STOM: variants seen among roughly 807,000 people sequenced by gnomAD.
STOM encodes the protein erythrocyte band 7 integral membrane protein.
STOM carries 25 observed loss-of-function variants against 30.6 expected under a neutral mutation model. The observed-to-expected ratio is 0.82, with a 90% CI of 0.60 to 1.14. The LOEUF (loss-of-function observed/expected upper bound fraction) is 1.14, where lower values mean the gene tolerates loss of function less well. Among genes scored for constraint, STOM ranks in the 50% most tolerant of loss-of-function variants. The probability of loss-of-function intolerance (pLI) is 0.00; values close to 1 mark genes in which losing one functional copy is unlikely to be tolerated. For missense variants in STOM, 292 were observed against 365.2 expected, an observed-to-expected ratio of 0.80 and a Z score of 1.63; for synonymous variants, 118 against 130.8, an observed-to-expected ratio of 0.90 and a Z score of 0.67.
chr9:121,346,392 G>A (rs2064290112), intron 6 of STOM, among the ~76,000 whole-genome samples: 1 of 152,182 alleles, frequency 6.6e-6, no homozygotes. Flanking sequence ...GGAAAACAGT[G>A]CTGTGGTTAA....
chr9:121,361,380 CTTTTT>C (rs5900482), intron 1 of STOM, among the ~76,000 whole-genome samples: 2 of 41,078 alleles, frequency 4.9e-5, no homozygotes, highest in East Asian at 1.9e-3. Context: ...CACTTGTGGA[CTTTTT>C]TTTTTTTTTT....
At position 121,353,258 on chromosome 9, in the gene STOM, C is replaced by T; in HGVS notation, c.283G>A (p.Asp95Asn). ...ATATCAAATGAAATAGTTCTCATGT[C>T]CACTTTGATGAAGCTGTCAGTGCAT... is the stretch of plus-strand genomic sequence containing the variant. ...LPCTDSFIKV[D>N]MRTISFDIPP... The change falls in exon 4 of 7, where the codon GAC (aspartate) becomes AAC (asparagine). Residue 95 changes from aspartate to asparagine, a missense_variant. Coordinates refer to ENST00000286713, the MANE Select transcript of STOM (RefSeq NM_004099.6). 15 of 1,611,864 alleles carry T rather than the reference C, an allele frequency of 9.3e-6. No homozygotes were observed. The highest frequency in any genetic ancestry group is 1.3e-5 in the Non-Finnish European group (15 of 1,179,036).
At chr9:121,350,409 T>C (rs1213190726) in intron 4 of STOM, among the ~76,000 whole-genome samples, 1 of 152,264 alleles carries the variant, frequency 6.6e-6, no homozygotes, top group Non-Finnish European at 1.5e-5. Flanking sequence ...TTATTCACAT[T>C]TCTACTTCTC....
At chr9:121,344,140 C>T (rs2064269699) in intron 6 of STOM, among the ~76,000 whole-genome samples, 1 of 152,100 alleles carries the variant, frequency 6.6e-6, no homozygotes, top group Non-Finnish European at 1.5e-5. Flanking sequence ...GAGAAAGGAT[C>T]CAGCTTATAG....
Position 121,367,014 on chromosome 9 carries a change from A to T in STOM, c.61+3113T>A, listed in dbSNP as rs1047749058. Among the ~76,000 whole-genome samples the T allele has an allele frequency of 6.6e-5, 10 of 152,114 alleles. No individual in the cohort carries two copies. In the South Asian group the frequency reaches 2.1e-3, roughly 32 times the overall value. ...AGGTGGGAGGATCACTTGAGGCTAC[A>T]GTGAGCTATGACTGCACCATTGCAC... is the stretch of plus-strand genomic sequence containing the variant. On this transcript the variant is annotated intron_variant, in intron 1 of 6. Coordinates refer to ENST00000286713, the MANE Select transcript of STOM (RefSeq NM_004099.6).
intron 4 of STOM, among the ~76,000 whole-genome samples, chr9:121,349,646 C>G (rs2064321478): frequency 2.0e-5 from 3 of 152,054 alleles, no homozygotes; most frequent in Non-Finnish European, 4.4e-5. Flanking sequence ...CTGTGGGTGG[C>G]AGGGGTGATA....
At chr9:121,346,909 C>A (rs1417650057) in intron 6 of STOM, among the ~76,000 whole-genome samples, 2 of 152,218 alleles carry the variant, frequency 1.3e-5, no homozygotes, top group Admixed American at 6.5e-5. Flanking sequence ...CCAGCTACTA[C>A]TATTTTCTAA....
chr9:121,339,776 G>C lies in STOM; in HGVS notation c.*1426C>G. 1 of 1,221,742 alleles carries C rather than the reference G, an allele frequency of 8.2e-7. No homozygotes were observed. The highest frequency in any genetic ancestry group is 1.0e-6 in the Non-Finnish European group (1 of 982,200). The allele number at this position is 1,221,742 out of a possible 1,614,324, so 75.7% of individuals were successfully genotyped here. On this transcript the variant is annotated 3_prime_UTR_variant, in exon 7 of 7. Coordinates refer to ENST00000286713, the MANE Select transcript of STOM (RefSeq NM_004099.6). The stretch of plus-strand genomic sequence containing the variant: ...ATTTGTTGTCCAGAGGAGCTGACCA[G>C]TTCCTCTTTCAGCATCAATATACAT...
At position 121,348,161 on chromosome 9, in the gene STOM, A is replaced by G; in HGVS notation, c.526-12T>C. ...TCATCCAGAGTAGACTGTTAGGAAG[A>G]GAGAAGGCAAGCTAAATCTCCTCAG... On this transcript the variant is annotated splice_polypyrimidine_tract_variant and intron_variant, in intron 5 of 6. Coordinates refer to ENST00000286713, the MANE Select transcript of STOM (RefSeq NM_004099.6). 1 of 1,614,032 alleles carries G rather than the reference A, an allele frequency of 6.2e-7. No homozygotes were observed. The highest frequency in any genetic ancestry group is 8.5e-7 in the Non-Finnish European group (1 of 1,179,942).
At chr9:121,360,350 CTAATA>C (rs1025230314) in intron 1 of STOM, among the ~76,000 whole-genome samples, 1 of 151,738 alleles carries the variant, frequency 6.6e-6, no homozygotes, top group Admixed American at 6.6e-5. Flanking sequence ...ATTTTTTAAT[CTAATA>C]TTTTAATTTC....
At chr9:121,357,196 G>A (rs961975523) in intron 1 of STOM, among the ~76,000 whole-genome samples, 3 of 151,856 alleles carry the variant, frequency 2.0e-5, no homozygotes, top group Non-Finnish European at 2.9e-5. Flanking sequence ...TGATTTCTTA[G>A]TGCTATAAAC....
chr9:121,344,545 G>A (rs1022837198), intron 6 of STOM, among the ~76,000 whole-genome samples: 4 of 152,204 alleles, frequency 2.6e-5, no homozygotes, highest in African/African-American at 4.8e-5. Context: ...AGTACACTCC[G>A]TTGATAGGAT....
Position 121,339,241 on chromosome 9 carries a change from G to C in STOM, c.*1961C>G, listed in dbSNP as rs2064225465. ...CGAATTCACAAGGCAGAAAAGTCAA[G>C]GTCATTTGGTATCTGGAGACAGGAG... On this transcript the variant is annotated 3_prime_UTR_variant, in exon 7 of 7. Transcript: ENST00000286713. 1 of 157,958 alleles carries C rather than the reference G, an allele frequency of 6.3e-6. No individual in the cohort carries two copies. Among genetic ancestry groups the C allele is most frequent in the Non-Finnish European group, 1.4e-5 (1 of 72,108 alleles). 9.8% of individuals were successfully genotyped at this position (157,958 alleles called of 1,614,324 possible). A position where few individuals can be genotyped will look rare whatever the true frequency, so the allele number is the denominator to read the frequency against.
At chr9:121,361,380 C>CTT (rs5900482) in intron 1 of STOM, among the ~76,000 whole-genome samples, 3 of 41,100 alleles carry the variant, frequency 7.3e-5, no homozygotes, top group Non-Finnish European at 9.2e-5. Context: ...CACTTGTGGA[C>CTT]TTTTTTTTTT....
chr9:121,349,079 T>A (rs1444827604), intron 5 of STOM, 41 bp downstream of exon 5: 6 of 1,600,364 alleles, frequency 3.7e-6, no homozygotes, highest in Non-Finnish European at 5.1e-6. Context: ...TTGCTTCATT[T>A]TTCAGCTTCT....
intron 1 of STOM, among the ~76,000 whole-genome samples, chr9:121,362,689 A>G (rs998290723): frequency 3.3e-5 from 5 of 152,212 alleles, no homozygotes; most frequent in African/African-American, 1.2e-4. Flanking sequence ...GCTCCTCCTT[A>G]CATACATGAG....
At chr9:121,358,759 T>C (rs899401791) in intron 1 of STOM, among the ~76,000 whole-genome samples, 1 of 152,236 alleles carries the variant, frequency 6.6e-6, no homozygotes, top group Non-Finnish European at 1.5e-5. Flanking sequence ...GTCTTATTTT[T>C]TCCCTTTGTT....
intron 2 of STOM, 142 bp from the exon 3 acceptor site, chr9:121,354,815 A>G (rs1165418424): frequency 1.4e-5 from 8 of 570,416 alleles, no homozygotes; most frequent in Non-Finnish European, 2.4e-5. Context: ...TATAAATCAC[A>G]TGTCCAATGT....
chr9:121,354,635 C>T lies in STOM; in HGVS notation c.204G>A (p.Leu68=). Residue 68 remains leucine (L), a synonymous_variant, in exon 3 of 7, where the codon TTG becomes TTA. Coordinates refer to ENST00000286713, the MANE Select transcript of STOM (RefSeq NM_004099.6). The part of the protein sequence containing the change: ...KEYERAIIFR[L]GRILQGGAKG... ...TGGCTCCTCCTTGTAAAATGCGACC[C>T]AATCTAAAGATGATGGCTCTTTCAT... 1.1e-5 allele frequency: 18 copies of T among 1,612,640 alleles called. No homozygotes were observed. The highest frequency in any genetic ancestry group is 1.5e-5 in the Non-Finnish European group (18 of 1,179,160).
Sources: allele counts gnomAD v4.1 joint callset (sites outside exome capture counted in the v4.1 genomes callset), GRCh38; gene constraint gnomAD v4.1.1; transcripts MANE v1.5; gene names NCBI Gene and HGNC (gene_info 2026-07-23, HGNC 2026-07-21).